Variants in RBFOX1 observed in about 807,000 individuals in gnomAD.
RBFOX1 encodes the protein RNA binding protein fox-1 homolog 1.
A neutral mutation model predicts 57.7 loss-of-function variants in RBFOX1; 8 were observed. The observed-to-expected ratio is 0.14, with a 90% CI of 0.08 to 0.25. RBFOX1 has a LOEUF of 0.25. RBFOX1 is among the 10% of genes least tolerant of loss of function. The probability of loss-of-function intolerance (pLI) is 1.00; values close to 1 mark genes in which losing one functional copy is unlikely to be tolerated. For synonymous variants in RBFOX1, 326 were observed against 222.4 expected, an observed-to-expected ratio of 1.47 and a Z score of -4.15; for missense variants, 611 against 548.5, an observed-to-expected ratio of 1.11 and a Z score of -1.14.
intron 3 of RBFOX1, among the ~76,000 whole-genome samples, chr16:6,767,083 T>C (rs551464941): frequency 1.3e-5 from 2 of 152,314 alleles, no homozygotes; most frequent in South Asian, 4.1e-4. Flanking sequence ...TTCCTCATCC[T>C]GTGGTCCTAT....
At chr16:5,874,689 A>C (rs1895017026) in intron 4 of RBFOX1, among the ~76,000 whole-genome samples, 1 of 152,196 alleles carries the variant, frequency 6.6e-6, no homozygotes, top group African/African-American at 2.4e-5. Context: ...TTATGCCTGT[A>C]ATCCAAGCAC....
In RBFOX1 at chr16:7,083,258, C is replaced by G. The variant is rs145557350; in HGVS notation, c.27+31160C>G. ...AGAGTACAGGGATTGTAACACCTCC[C>G]ACACTTGATTAATGGGAAACAGCTG... On this transcript the variant is annotated intron_variant, in intron 4 of 15. Coordinates refer to ENST00000550418, the MANE Select transcript of RBFOX1 (RefSeq NM_018723.4). Among the ~76,000 whole-genome samples, 414 of 152,022 alleles carry G rather than the reference C, an allele frequency of 2.7e-3. 4 individuals carry two copies. Among genetic ancestry groups the G allele is most frequent in the South Asian group, 0.021 (99 of 4,820 alleles).
chr16:7,088,458 T>G (rs1176046564), intron 4 of RBFOX1, among the ~76,000 whole-genome samples: 4 of 152,202 alleles, frequency 2.6e-5, no homozygotes, highest in African/African-American at 7.2e-5. Context: ...TGTGAGAGTA[T>G]ATTTTACAAG....
intron 3 of RBFOX1, among the ~76,000 whole-genome samples, chr16:6,908,499 T>G (rs1023638587): frequency 1.3e-5 from 2 of 152,164 alleles, no homozygotes; most frequent in South Asian, 4.1e-4. Context: ...GGAAGGTATT[T>G]CCGGGTTATA....
At chr16:5,966,653 CA>C (rs1009824004) in intron 4 of RBFOX1, among the ~76,000 whole-genome samples, 1 of 152,124 alleles carries the variant, frequency 6.6e-6, no homozygotes, top group African/African-American at 2.4e-5. Context: ...GGTTTCGCCA[CA>C]CACCTTTAAA....
chr16:6,654,528 C>G, intron 2 of RBFOX1, 75 bp from the exon 3 acceptor site: 2 of 1,184,928 alleles, frequency 1.7e-6, no homozygotes, highest in Non-Finnish European at 2.3e-6. Context: ...TTCAACAACA[C>G]CACTGAATGT....
At chr16:5,632,754 A>C (rs2215250) in intron 3 of RBFOX1, among the ~76,000 whole-genome samples, 130,598 of 152,080 alleles carry the variant, frequency 0.86, 56,616 homozygotes, top group Non-Finnish European at 0.9. Flanking sequence ...TGCTGCTGTG[A>C]TAACACTTTA....
intron 3 of RBFOX1, among the ~76,000 whole-genome samples, chr16:6,799,964 C>A (rs977686791): frequency 2.6e-5 from 4 of 152,122 alleles, no homozygotes; most frequent in Non-Finnish European, 5.9e-5. Flanking sequence ...GTCAATTCTC[C>A]TTAATAAACT....
intron 2 of RBFOX1, among the ~76,000 whole-genome samples, chr16:6,563,531 G>A (rs904915196): frequency 2.0e-5 from 3 of 152,088 alleles, no homozygotes; most frequent in African/African-American, 7.2e-5. Flanking sequence ...AAAATACTAT[G>A]GTCAGGAGTT....
chr16:6,311,295 C>CAAAAAAAAA (rs71145210), intron 1 of RBFOX1, among the ~76,000 whole-genome samples: 19 of 91,176 alleles, frequency 2.1e-4, no homozygotes, highest in Non-Finnish European at 2.7e-4. Flanking sequence ...GACTCTGTCT[C>CAAAAAAAAA]AAAAAAAAAA....
At chr16:5,752,523 G>A (rs897508993) in intron 3 of RBFOX1, among the ~76,000 whole-genome samples, 1 of 152,196 alleles carries the variant, frequency 6.6e-6, no homozygotes, top group Non-Finnish European at 1.5e-5. Context: ...GTTTCACGCT[G>A]TTTACTGTGA....
chr16:6,440,442 C>G (rs764903453), intron 2 of RBFOX1, among the ~76,000 whole-genome samples: 16 of 152,102 alleles, frequency 1.1e-4, no homozygotes, highest in Non-Finnish European at 1.8e-4. Context: ...GAGGTGGTTT[C>G]TGTTCTGGCC....
chr16:6,249,389 G>T (rs2097589029), intron 1 of RBFOX1, among the ~76,000 whole-genome samples: 1 of 152,152 alleles, frequency 6.6e-6, no homozygotes, highest in Admixed American at 6.5e-5. Context: ...GCCAGACATG[G>T]TTTTGGGTGC....
rs182950639 is a variant in RBFOX1 at position 5,900,404 on chromosome 16, A to G, written c.351+33069A>G. 9.4e-3 allele frequency among the ~76,000 whole-genome samples: 1,427 copies of G among 152,318 alleles called. 14 individuals are homozygous for G. The highest frequency in any genetic ancestry group is 0.017 in the Middle Eastern group (5 of 294). Reference sequence around the variant, plus strand: ...TGTACATGCCAAAAGGAAGGGGGAAAAAAAGAAAGAGAAAATTCCCCAAAC... The same window carrying G: ...TGTACATGCCAAAAGGAAGGGGGAAGAAAAGAAAGAGAAAATTCCCCAAAC... On this transcript the variant is annotated intron_variant, in intron 4 of 19. Coordinates refer to the RBFOX1 transcript ENST00000641259.
chr16:6,121,734 C>G (rs1263259160), intron 1 of RBFOX1, among the ~76,000 whole-genome samples: 1 of 152,122 alleles, frequency 6.6e-6, no homozygotes, highest in Admixed American at 6.5e-5. Context: ...TCTACATTTA[C>G]CAGCTGGGTG....
rs1406717583 is a variant in RBFOX1 at position 5,946,954 on chromosome 16, G to C, written c.351+79619G>C. Among the ~76,000 whole-genome samples the C allele has an allele frequency of 6.6e-6, 1 of 152,174 alleles. No individual in the cohort carries two copies. Among genetic ancestry groups the C allele is most frequent in the East Asian group, 1.9e-4 (1 of 5,194 alleles). On this transcript the variant is annotated intron_variant, in intron 4 of 19. Transcript: ENST00000641259. The surrounding 1 kb of genome is among the most constrained non-coding windows in gnomAD (Gnocchi z 4.6). ...AAGGCCAGAGCAGTGGCTCACAGCCGTAATCCTAGCACTTAGGGAGGCAGA... is the reference window on the plus strand; with the variant it reads ...AAGGCCAGAGCAGTGGCTCACAGCCCTAATCCTAGCACTTAGGGAGGCAGA...
intron 10 of RBFOX1, among the ~76,000 whole-genome samples, chr16:7,620,546 G>A (rs2141999372): frequency 6.6e-6 from 1 of 152,272 alleles, no homozygotes; most frequent in South Asian, 2.1e-4. Flanking sequence ...TCCTTGGTTG[G>A]ATTTAAAACC....
At chr16:5,422,753 A>G (rs2067382094) in intron 1 of RBFOX1, among the ~76,000 whole-genome samples, 2 of 115,656 alleles carry the variant, frequency 1.7e-5, no homozygotes, top group Non-Finnish European at 3.6e-5. Flanking sequence ...GATGGGGAGG[A>G]AAGAGGAAGA....
At chr16:7,126,338 A>T (rs2068542528) in intron 4 of RBFOX1, 1 of 275,646 alleles carries the variant, frequency 3.6e-6, no homozygotes, top group Non-Finnish European at 7.1e-6. Context: ...CCGCAGGTCT[A>T]AATCGAGGTG....
Sources: allele counts gnomAD v4.1 joint callset (sites outside exome capture counted in the v4.1 genomes callset), GRCh38; gene constraint gnomAD v4.1.1; non-coding constraint Gnocchi (gnomAD v3.1); transcripts MANE v1.5; gene names NCBI Gene and HGNC (gene_info 2026-07-23, HGNC 2026-07-21).